Variants in PLXDC1 observed in about 807,000 individuals in gnomAD.
The protein encoded by PLXDC1 is plexin domain-containing protein 1.
PLXDC1 carries 39 observed loss-of-function variants against 61.3 expected under a neutral mutation model. The ratio of observed to expected loss-of-function variants is 0.64; its 90% CI spans 0.49 to 0.83. The LOEUF is 0.83. Among genes scored for constraint, PLXDC1 ranks in the 40% least tolerant of loss-of-function variants. The pLI, the probability that PLXDC1 is intolerant of heterozygous loss-of-function variation, is 0.00. For missense variants in PLXDC1, 596 were observed against 666.5 expected, an observed-to-expected ratio of 0.89 and a Z score of 1.17; for synonymous variants, 212 against 254.5, an observed-to-expected ratio of 0.83 and a Z score of 1.59.
At chr17:39,085,562 C>T (rs934386710) in intron 8 of PLXDC1, among the ~76,000 whole-genome samples, 8 of 152,118 alleles carry the variant, frequency 5.3e-5, no homozygotes, top group Non-Finnish European at 8.8e-5. Context: ...ACATAGAGAT[C>T]GAGCTCTTAG....
At chr17:39,122,498 T>C (rs886654320) in intron 2 of PLXDC1, among the ~76,000 whole-genome samples, 2 of 151,900 alleles carry the variant, frequency 1.3e-5, no homozygotes, top group African/African-American at 4.8e-5. Flanking sequence ...AAGCACATGT[T>C]TTAGAAGGCA....
At chr17:39,079,019 A>C in intron 10 of PLXDC1, 85 bp downstream of exon 10, 1 of 1,066,050 alleles carries the variant, frequency 9.4e-7, no homozygotes, top group Non-Finnish European at 1.4e-6. Flanking sequence ...CCTTGAGAAG[A>C]GTTTCCAGGG....
intron 11 of PLXDC1, 86 bp from the exon 12 acceptor site, chr17:39,072,571 GCCCA>G: frequency 1.1e-6 from 1 of 882,162 alleles, no homozygotes; most frequent in Non-Finnish European, 1.9e-6. Context: ...TGAAAGTTCA[GCCCA>G]AACTTTCATT....
intron 2 of PLXDC1, among the ~76,000 whole-genome samples, chr17:39,121,683 A>T (rs1911163925): frequency 6.6e-6 from 1 of 152,182 alleles, no homozygotes; most frequent in Non-Finnish European, 1.5e-5. Context: ...TTCTTCCTTG[A>T]GTTGCAGAGG....
chr17:39,114,855 C>T (rs1910916745), intron 2 of PLXDC1, among the ~76,000 whole-genome samples: 1 of 152,208 alleles, frequency 6.6e-6, no homozygotes, highest in South Asian at 2.1e-4. Flanking sequence ...TTTCAATCAG[C>T]CTGCTTCCTG....
At chr17:39,077,134 C>A (rs1003000692) in intron 11 of PLXDC1, among the ~76,000 whole-genome samples, 28 of 152,198 alleles carry the variant, frequency 1.8e-4, no homozygotes, top group Admixed American at 1.8e-3. Context: ...TCCCGAAGTG[C>A]TGGGATTACA....
At chr17:39,109,616 G>A (rs1320141852) in intron 2 of PLXDC1, among the ~76,000 whole-genome samples, 2 of 152,178 alleles carry the variant, frequency 1.3e-5, no homozygotes, top group African/African-American at 2.4e-5. Flanking sequence ...AACAGGCCTG[G>A]CCACAGCCAA....
At chr17:39,150,992 C>T (rs1255197099) in intron 1 of PLXDC1, among the ~76,000 whole-genome samples, 2 of 152,178 alleles carry the variant, frequency 1.3e-5, no homozygotes, top group Non-Finnish European at 2.9e-5. Flanking sequence ...GGGCAGGGGC[C>T]TCCCCAGGCT....
intron 7 of PLXDC1, among the ~76,000 whole-genome samples, chr17:39,095,081 C>T (rs1910099007): frequency 6.6e-6 from 1 of 152,092 alleles, no homozygotes; most frequent in African/African-American, 2.4e-5. Flanking sequence ...CTAGAAACTT[C>T]ACACCAGGCT....
At chr17:39,148,999 T>C (rs563199653) in intron 1 of PLXDC1, among the ~76,000 whole-genome samples, 8 of 152,254 alleles carry the variant, frequency 5.3e-5, no homozygotes, top group Middle Eastern at 3.4e-3. Flanking sequence ...GCCTCTTCTT[T>C]ATCTGTCATA....
intron 2 of PLXDC1, among the ~76,000 whole-genome samples, chr17:39,126,637 G>A (rs1911318554): frequency 6.6e-6 from 1 of 152,098 alleles, no homozygotes; most frequent in Non-Finnish European, 1.5e-5. Flanking sequence ...AGGGAACAAG[G>A]CGGGAACTGA....
intron 2 of PLXDC1, among the ~76,000 whole-genome samples, chr17:39,122,112 G>GGC (rs1491425856): frequency 2.4e-4 from 11 of 46,122 alleles, no homozygotes; most frequent in Middle Eastern, 0.014. Context: ...AAAAAAAAAA[G>GGC]GGGGGGGGGA....
At chr17:39,097,971 A>G (rs1489986860) in intron 7 of PLXDC1, among the ~76,000 whole-genome samples, 1 of 151,090 alleles carries the variant, frequency 6.6e-6, no homozygotes, top group East Asian at 1.9e-4. Context: ...TTGGGAGGCC[A>G]AGGTGGGCGG....
intron 2 of PLXDC1, among the ~76,000 whole-genome samples, chr17:39,128,089 C>CATACATA (rs1221469686): frequency 1.5e-5 from 1 of 68,782 alleles, no homozygotes; most frequent in Admixed American, 1.4e-4. Context: ...CTCTCTCTCT[C>CATACATA]TCTATGTGTA....
chr17:39,125,237 A>C (rs531947177), intron 2 of PLXDC1, among the ~76,000 whole-genome samples: 30 of 152,362 alleles, frequency 2.0e-4, no homozygotes, highest in Admixed American at 1.7e-3. Context: ...GTCATCACAG[A>C]AATGCAGGAA....
intron 8 of PLXDC1, among the ~76,000 whole-genome samples, chr17:39,085,981 A>C (rs1567756560): frequency 1.3e-5 from 2 of 152,142 alleles, no homozygotes; most frequent in South Asian, 4.2e-4. Flanking sequence ...ACACCTACTG[A>C]CCTTTATTTC....
At chr17:39,141,905 A>T (rs939912460) in intron 1 of PLXDC1, among the ~76,000 whole-genome samples, 27 of 152,142 alleles carry the variant, frequency 1.8e-4, no homozygotes, top group Admixed American at 1.4e-3. Context: ...TTCCCTGATG[A>T]TTAGTGATGC....
At chr17:39,107,085 C>A (rs1380150897) in intron 6 of PLXDC1, among the ~76,000 whole-genome samples, 1 of 152,182 alleles carries the variant, frequency 6.6e-6, no homozygotes, top group Non-Finnish European at 1.5e-5. Context: ...CGTATTTATC[C>A]TTCAGATTTC....
In PLXDC1 at chr17:39,106,586, G is replaced by A. The variant is rs149496686; in HGVS notation, c.712-633C>T. On this transcript the variant is annotated intron_variant, in intron 6 of 13. Coordinates refer to ENST00000315392, the MANE Select transcript of PLXDC1 (RefSeq NM_020405.5). ...TCTTCCCGCCTCAGTCTCCCAAAGC[G>A]CTGGGGTTATGAGCCACCACCCTGG... Among the ~76,000 whole-genome samples the A allele has an allele frequency of 2.1e-3, 323 of 151,048 alleles. 6 individuals are homozygous for A. The East Asian group carries it at 0.04, about 19-fold the overall frequency.
Sources: gnomAD v4.1 joint callset for allele counts (sites outside exome capture counted in the v4.1 genomes callset) on GRCh38, gnomAD v4.1.1 for gene constraint, MANE v1.5 for transcripts, NCBI Gene and HGNC (gene_info 2026-07-23, HGNC 2026-07-21) for gene names.